Variants in XRCC4 observed in about 807,000 individuals in gnomAD.
XRCC4 encodes DNA repair protein XRCC4.
In XRCC4, 28 loss-of-function variants were observed where a neutral mutation model predicts 39.1. The ratio of observed to expected loss-of-function variants is 0.72; its 90% CI spans 0.53 to 0.98. The LOEUF (loss-of-function observed/expected upper bound fraction) is 0.98. Among genes scored for constraint, XRCC4 ranks in the 50% least tolerant of loss-of-function variants. XRCC4 has a pLI of 0.00. For missense variants in XRCC4, 350 were observed against 376.4 expected, an observed-to-expected ratio of 0.93 and a Z score of 0.58; for synonymous variants, 123 against 126.4, an observed-to-expected ratio of 0.97 and a Z score of 0.18.
intron 1 of XRCC4, among the ~76,000 whole-genome samples, chr5:83,095,887 A>G (rs778093113): frequency 1.1e-4 from 16 of 152,064 alleles, no homozygotes; most frequent in Non-Finnish European, 2.4e-4. Context: ...CTGTCCAGGC[A>G]AGATAGTTCC....
At chr5:83,094,382 CCTCCTCTCCCCTCTT>C (rs1260721593) in intron 1 of XRCC4, among the ~76,000 whole-genome samples, 41 of 135,304 alleles carry the variant, frequency 3.0e-4, no homozygotes, top group Non-Finnish European at 5.4e-4. Context: ...CCTCTCTTCC[CCTCCTCTCCCCTCTT>C]CTCCTCTCCC....
intron 1 of XRCC4, among the ~76,000 whole-genome samples, chr5:83,103,169 CAG>C (rs1293669602): frequency 1.3e-5 from 2 of 151,540 alleles, no homozygotes; most frequent in Admixed American, 6.6e-5. Flanking sequence ...TGGATAAAGA[CAG>C]AGGGAAATGT....
At chr5:83,172,479 TA>T (rs1333100493) in intron 3 of XRCC4, among the ~76,000 whole-genome samples, 2 of 152,136 alleles carry the variant, frequency 1.3e-5, no homozygotes, top group African/African-American at 4.8e-5. Context: ...AATTAACACA[TA>T]AAAATGTAAA....
chr5:83,131,059 G>T (rs1265362972), intron 3 of XRCC4, among the ~76,000 whole-genome samples: 1 of 152,130 alleles, frequency 6.6e-6, no homozygotes, highest in Non-Finnish European at 1.5e-5. Flanking sequence ...TAATTGTGAT[G>T]TTAGGGTGTC....
At chr5:83,110,499 A>G (rs1196098724) in intron 2 of XRCC4, among the ~76,000 whole-genome samples, 2 of 151,968 alleles carry the variant, frequency 1.3e-5, no homozygotes, top group Admixed American at 6.6e-5. Flanking sequence ...ATGCTCGTAC[A>G]TTTTAGTTTC....
intron 7 of XRCC4, among the ~76,000 whole-genome samples, chr5:83,278,389 T>C (rs1170462582): frequency 6.6e-6 from 1 of 152,182 alleles, no homozygotes; most frequent in Admixed American, 6.5e-5. Context: ...TCTTAGTCCA[T>C]TTTTACTGCA....
chr5:83,192,780 ATCTGTT>A (rs1186561953), intron 3 of XRCC4, among the ~76,000 whole-genome samples: 3 of 152,196 alleles, frequency 2.0e-5, no homozygotes, highest in Admixed American at 6.5e-5. Flanking sequence ...TCTTAATTTT[ATCTGTT>A]TCTAACAGAA....
At chr5:83,306,146 G>C (rs888164608) in intron 7 of XRCC4, among the ~76,000 whole-genome samples, 1 of 152,012 alleles carries the variant, frequency 6.6e-6, no homozygotes, top group African/African-American at 2.4e-5. Flanking sequence ...CTAGTGAATA[G>C]AAACATGTGG....
chr5:83,224,467 C>T (rs1752213547), intron 6 of XRCC4, among the ~76,000 whole-genome samples: 1 of 152,014 alleles, frequency 6.6e-6, no homozygotes, highest in African/African-American at 2.4e-5. Context: ...ATATGCATCC[C>T]TTAGCAAATC....
chr5:83,077,658 C>T (rs576656328), intron 1 of XRCC4, 43 bp downstream of exon 1: 18 of 307,976 alleles, frequency 5.8e-5, no homozygotes, highest in Middle Eastern at 1.0e-3. Context: ...TAACAAAAAT[C>T]TGAGGTTCTG....
At chr5:83,225,386 A>G (rs1752248580) in intron 6 of XRCC4, among the ~76,000 whole-genome samples, 1 of 152,090 alleles carries the variant, frequency 6.6e-6, no homozygotes, top group South Asian at 2.1e-4. Flanking sequence ...GGAACTATGG[A>G]AAATGCCCAT....
chr5:83,130,854 C>A (rs1747538562), intron 3 of XRCC4, among the ~76,000 whole-genome samples: 1 of 151,952 alleles, frequency 6.6e-6, no homozygotes, highest in Non-Finnish European at 1.5e-5. Context: ...TTTGATTCTT[C>A]TCTCTTTTCT....
chr5:83,133,707 C>T (rs1747728359), intron 3 of XRCC4, among the ~76,000 whole-genome samples: 1 of 152,134 alleles, frequency 6.6e-6, no homozygotes, highest in South Asian at 2.1e-4. Context: ...GATATAATCT[C>T]CCAGTGTGCT....
chr5:83,090,344 T>TG (rs35755257), intron 1 of XRCC4, among the ~76,000 whole-genome samples: 63,381 of 149,802 alleles, frequency 0.42, 13,617 homozygotes, highest in South Asian at 0.51. Flanking sequence ...GTGGTGGGGT[T>TG]GGGGGGGGCT....
At chr5:83,182,448 A>G (rs1454405428) in intron 3 of XRCC4, among the ~76,000 whole-genome samples, 1 of 152,216 alleles carries the variant, frequency 6.6e-6, no homozygotes. Flanking sequence ...TAATTTATTA[A>G]ACTAACTGTC....
At position 83,111,161 on chromosome 5, in the gene XRCC4, G is replaced by A; in HGVS notation, c.273G>A (p.Glu91=). The A allele has an allele frequency of 6.3e-7, 1 of 1,597,412 alleles. No individual in the cohort carries two copies. The highest frequency in any genetic ancestry group is 8.5e-7 in the Non-Finnish European group (1 of 1,174,788). Residue 91 remains glutamate, a synonymous_variant, in exon 3 of 8, where the codon GAG becomes GAA. Coordinates refer to ENST00000396027, the MANE Select transcript of XRCC4 (RefSeq NM_003401.5). ...ADVYTFNFSK[E]SCYFFFEKNL... ...TATACACGTTTAATTTTTCTAAAGA[G>A]TCTTGTTATTTCTTCTTTGAGAAAA...
chr5:83,345,001 G>A (rs1473637064), intron 7 of XRCC4, among the ~76,000 whole-genome samples: 1 of 152,134 alleles, frequency 6.6e-6, no homozygotes, highest in Non-Finnish European at 1.5e-5. Context: ...CGCTAATGAA[G>A]TTGAGCTTAT....
At chr5:83,153,193 T>C (rs748001239) in intron 3 of XRCC4, among the ~76,000 whole-genome samples, 11 of 151,076 alleles carry the variant, frequency 7.3e-5, no homozygotes, top group Non-Finnish European at 1.3e-4. Context: ...AGCTGTTTCA[T>C]GTAACAATAG....
intron 3 of XRCC4, among the ~76,000 whole-genome samples, chr5:83,155,612 TTGGA>T (rs1748920816): frequency 6.6e-6 from 1 of 152,118 alleles, no homozygotes; most frequent in African/African-American, 2.4e-5. Flanking sequence ...TATTAGTTAC[TTGGA>T]TGATGTGTAC....
Sources: allele counts gnomAD v4.1 joint callset (sites outside exome capture counted in the v4.1 genomes callset), GRCh38; gene constraint gnomAD v4.1.1; transcripts MANE v1.5; gene names NCBI Gene and HGNC (gene_info 2026-07-23, HGNC 2026-07-21).